Variants in CDH23 observed in about 807,000 individuals in gnomAD.
CDH23 encodes the protein cadherin-23.
A neutral mutation model predicts 317.1 loss-of-function variants in CDH23; 189 were observed. The ratio of observed to expected loss-of-function variants is 0.60; its 90% CI spans 0.53 to 0.67. The LOEUF (loss-of-function observed/expected upper bound fraction) is 0.67. CDH23 is among the 30% of genes least tolerant of loss of function. The probability of loss-of-function intolerance (pLI) is 0.00; values close to 1 mark genes in which losing one functional copy is unlikely to be tolerated. For missense variants in CDH23, 4,401 were observed against 4,592.4 expected, an observed-to-expected ratio of 0.96 and a Z score of 1.20; for synonymous variants, 1,839 against 1,876.8, an observed-to-expected ratio of 0.98 and a Z score of 0.52.
At chr10:71,584,115 T>C (rs1412403369) in intron 9 of CDH23, among the ~76,000 whole-genome samples, 1 of 152,170 alleles carries the variant, frequency 6.6e-6, no homozygotes, top group African/African-American at 2.4e-5. Flanking sequence ...TAAAGGAGCG[T>C]GTGTTCTCAA....
intron 34 of CDH23, among the ~76,000 whole-genome samples, chr10:71,736,511 G>T (rs1839570068): frequency 6.6e-6 from 1 of 152,180 alleles, no homozygotes; most frequent in Admixed American, 6.5e-5. Flanking sequence ...GTAAGTTCAG[G>T]CCTTCAGGGG....
At chr10:71,525,920 A>G (rs1041193031) in intron 6 of CDH23, among the ~76,000 whole-genome samples, 6 of 152,100 alleles carry the variant, frequency 3.9e-5, no homozygotes, top group Admixed American at 6.5e-5. Flanking sequence ...CTCACCAAAC[A>G]TTGCCTGAGG....
chr10:71,785,187 T>C (rs1322503081), intron 43 of CDH23, 87 bp downstream of exon 43: 5 of 1,135,302 alleles, frequency 4.4e-6, no homozygotes, highest in African/African-American at 1.5e-5. Context: ...GCTGCCACCA[T>C]CTGGGCTCCA....
chr10:71,489,309 A>T (rs1852517168), intron 3 of CDH23, among the ~76,000 whole-genome samples: 1 of 152,048 alleles, frequency 6.6e-6, no homozygotes, highest in African/African-American at 2.4e-5. Context: ...AATTTCTTCA[A>T]TTTTACCTTT....
At chr10:71,613,101 C>T (rs564059199) in intron 9 of CDH23, among the ~76,000 whole-genome samples, 109 of 152,236 alleles carry the variant, frequency 7.2e-4, no homozygotes, top group African/African-American at 2.3e-3. Context: ...TGCCCATCTC[C>T]GCCTCCCAAA....
At chr10:71,754,822 G>A (rs1840092244) in intron 38 of CDH23, among the ~76,000 whole-genome samples, 1 of 152,192 alleles carries the variant, frequency 6.6e-6, no homozygotes, top group Admixed American at 6.5e-5. Context: ...CTCTGAGATT[G>A]AGTCCTAGCT....
intron 9 of CDH23, among the ~76,000 whole-genome samples, chr10:71,614,563 C>T (rs78605432): frequency 0.037 from 5,613 of 152,198 alleles, 338 homozygotes; most frequent in East Asian, 0.28. Context: ...TTCAGAGGGC[C>T]GGGAAGGGAG....
chr10:71,760,974 C>T (rs1467750360), intron 38 of CDH23: 1 of 1,583,298 alleles, frequency 6.3e-7, no homozygotes, highest in South Asian at 1.1e-5. Flanking sequence ...GCCCAGGAGG[C>T]CAGGGAGGCT....
chr10:71,731,950 C>T (rs1455668674), intron 31 of CDH23, 37 bp from the exon 32 acceptor site: 5 of 1,595,228 alleles, frequency 3.1e-6, no homozygotes, highest in Non-Finnish European at 4.3e-6. Context: ...CCACTCAGTT[C>T]TATCTGGGAC....
Position 71,805,829 on chromosome 10 carries a change from G to GTACGAGGTC in CDH23, c.7901_7909dup (p.Glu2634_Tyr2636dup). 6.2e-7 allele frequency: 1 copy of GTACGAGGTC among 1,613,686 alleles called. No individual in the cohort carries two copies. Among genetic ancestry groups the GTACGAGGTC allele is most frequent in the Non-Finnish European group, 8.5e-7 (1 of 1,179,814 alleles). The stretch of plus-strand genomic sequence containing the variant: ...AGGAGATCCCGCTGCGCTCCAACGT[G>GTACGAGGTC]TACGAGGTCTACGCCACGGACAAGG... On this transcript the variant is annotated inframe_insertion, in exon 56 of 70. Coordinates refer to ENST00000224721, the MANE Select transcript of CDH23 (RefSeq NM_022124.6).
chr10:71,697,528 C>G (rs978676655), intron 22 of CDH23, among the ~76,000 whole-genome samples: 5 of 152,012 alleles, frequency 3.3e-5, no homozygotes. Context: ...TTTTAAGTAG[C>G]CAGGTGTGGT....
intron 25 of CDH23, 108 bp downstream of exon 25, chr10:71,705,238 T>C (rs1434129043): frequency 2.8e-6 from 3 of 1,054,598 alleles, no homozygotes; most frequent in Non-Finnish European, 4.0e-6. Context: ...TCTATTGGAC[T>C]TGTAGGCACA....
intron 3 of CDH23, among the ~76,000 whole-genome samples, chr10:71,507,716 A>G (rs1051303873): frequency 6.6e-6 from 1 of 152,192 alleles, no homozygotes; most frequent in Non-Finnish European, 1.5e-5. Flanking sequence ...TAATTAATCA[A>G]TCAAATGCTG....
At chr10:71,401,434 C>A (rs1030237893) in intron 1 of CDH23, among the ~76,000 whole-genome samples, 1 of 152,182 alleles carries the variant, frequency 6.6e-6, no homozygotes, top group African/African-American at 2.4e-5. Context: ...AATGGCTTAT[C>A]CCTGGGTGAT....
intron 3 of CDH23, among the ~76,000 whole-genome samples, chr10:71,506,294 G>A (rs545437226): frequency 2.0e-5 from 3 of 152,286 alleles, no homozygotes; most frequent in Non-Finnish European, 4.4e-5. Flanking sequence ...GATGAAAATC[G>A]TGTGGAATTA....
chr10:71,421,216 G>A (rs376097903), intron 1 of CDH23, among the ~76,000 whole-genome samples: 71 of 152,300 alleles, frequency 4.7e-4, no homozygotes, highest in African/African-American at 1.5e-3. Context: ...GGTAATGCCC[G>A]GTCAGACAGC....
intron 55 of CDH23, among the ~76,000 whole-genome samples, chr10:71,804,775 ATT>A (rs536518879): frequency 2.6e-5 from 4 of 151,880 alleles, no homozygotes; most frequent in Non-Finnish European, 5.9e-5. Context: ...TTCCTGACCA[ATT>A]TTTTTCTTTA....
intron 6 of CDH23, among the ~76,000 whole-genome samples, chr10:71,522,928 A>G (rs964676670): frequency 2.0e-5 from 3 of 149,588 alleles, no homozygotes; most frequent in African/African-American, 7.3e-5. Context: ...AGAGCTGGGG[A>G]AAAAACACCC....
intron 1 of CDH23, among the ~76,000 whole-genome samples, chr10:71,408,613 G>A (rs1848217751): frequency 6.6e-6 from 1 of 152,182 alleles, no homozygotes; most frequent in Admixed American, 6.5e-5. Context: ...GACCTGCCAG[G>A]CAGCTGATCT....
Sources: gnomAD v4.1 joint callset for allele counts (sites outside exome capture counted in the v4.1 genomes callset) on GRCh38, gnomAD v4.1.1 for gene constraint, MANE v1.5 for transcripts, NCBI Gene and HGNC (gene_info 2026-07-23, HGNC 2026-07-21) for gene names.